Variants in DCDC1 observed in about 807,000 individuals in gnomAD.
DCDC1 encodes doublecortin domain-containing protein 1.
In DCDC1, 200 loss-of-function variants were observed where a neutral mutation model predicts 178.3. The ratio of observed to expected loss-of-function variants is 1.12; its 90% CI spans 1.00 to 1.26. The LOEUF is 1.26. DCDC1 is among the 50% of genes most tolerant of loss of function. DCDC1 has a pLI of 0.00. For synonymous variants in DCDC1, 690 were observed against 604.8 expected, an observed-to-expected ratio of 1.14 and a Z score of -2.07; for missense variants, 1,983 against 1,749.2, an observed-to-expected ratio of 1.13 and a Z score of -2.38.
At chr11:31,066,453 C>T (rs1403505679) in intron 18 of DCDC1, among the ~76,000 whole-genome samples, 1 of 152,140 alleles carries the variant, frequency 6.6e-6, no homozygotes, top group Non-Finnish European at 1.5e-5. Flanking sequence ...CTCCTTACTG[C>T]ACTTTTTAAA....
chr11:31,290,922 C>T, intron 6 of DCDC1, 70 bp from the exon 7 acceptor site: 1 of 1,371,526 alleles, frequency 7.3e-7, no homozygotes, highest in South Asian at 1.3e-5. Flanking sequence ...TCATACTTCC[C>T]TCCCTCTATT....
chr11:31,153,655 C>T (rs532944343), intron 9 of DCDC1, among the ~76,000 whole-genome samples: 3 of 152,016 alleles, frequency 2.0e-5, no homozygotes, highest in Admixed American at 6.6e-5. Flanking sequence ...TGGTGGTGGG[C>T]GCCTGTAATC....
At chr11:30,991,317 C>A (rs1167532763) in intron 20 of DCDC1, among the ~76,000 whole-genome samples, 1 of 152,118 alleles carries the variant, frequency 6.6e-6, no homozygotes, top group Non-Finnish European at 1.5e-5. Context: ...TACACCTTAA[C>A]CATATACCAT....
At chr11:31,334,547 A>T (rs1008014429) in intron 2 of DCDC1, among the ~76,000 whole-genome samples, 1 of 152,158 alleles carries the variant, frequency 6.6e-6, no homozygotes. Flanking sequence ...GATGTTGGTG[A>T]CCTACAGATG....
intron 9 of DCDC1, among the ~76,000 whole-genome samples, chr11:31,232,020 C>A (rs1052243399): frequency 5.3e-5 from 8 of 152,166 alleles, no homozygotes; most frequent in African/African-American, 1.9e-4. Flanking sequence ...GATCTCAGAT[C>A]CTGAGACTGA....
intron 36 of DCDC1, among the ~76,000 whole-genome samples, chr11:30,886,091 A>G (rs977511026): frequency 6.6e-6 from 1 of 152,114 alleles, no homozygotes; most frequent in Non-Finnish European, 1.5e-5. Context: ...AAAATTGTAT[A>G]TACGTGTGAT....
At chr11:30,982,279 C>G (rs1363656115) in intron 20 of DCDC1, among the ~76,000 whole-genome samples, 1 of 152,160 alleles carries the variant, frequency 6.6e-6, no homozygotes, top group Non-Finnish European at 1.5e-5. Context: ...TGAACAAAAA[C>G]CTTCCAATTT....
At chr11:31,296,869 A>G (rs1336028198) in intron 6 of DCDC1, among the ~76,000 whole-genome samples, 1 of 152,036 alleles carries the variant, frequency 6.6e-6, no homozygotes, top group African/African-American at 2.4e-5. Flanking sequence ...GACCACCCCC[A>G]TGATCTAATT....
intron 2 of DCDC1, among the ~76,000 whole-genome samples, chr11:31,330,064 G>C (rs1949882912): frequency 6.6e-6 from 1 of 152,112 alleles, no homozygotes; most frequent in South Asian, 2.1e-4. Context: ...AGCACCTGTT[G>C]TTTCCTGACT....
chr11:31,212,037 C>T (rs1972596786), intron 9 of DCDC1, among the ~76,000 whole-genome samples: 3 of 149,476 alleles, frequency 2.0e-5, no homozygotes, highest in Admixed American at 1.3e-4. Flanking sequence ...GAGCCAAGAT[C>T]GCGCCACTGC....
intron 3 of DCDC1, among the ~76,000 whole-genome samples, chr11:31,313,696 G>C (rs1948899908): frequency 6.6e-6 from 1 of 152,042 alleles, no homozygotes; most frequent in Non-Finnish European, 1.5e-5. Flanking sequence ...TAGTGCTGTG[G>C]TTATTTTTAC....
chr11:31,327,038 T>C (rs1018334865), intron 3 of DCDC1, among the ~76,000 whole-genome samples: 22 of 152,192 alleles, frequency 1.4e-4, no homozygotes, highest in African/African-American at 4.3e-4. Context: ...GTTCATACCA[T>C]ACCTTCTTTA....
At chr11:31,340,417 A>G (rs1290424584) in intron 1 of DCDC1, among the ~76,000 whole-genome samples, 1 of 152,156 alleles carries the variant, frequency 6.6e-6, no homozygotes, top group Non-Finnish European at 1.5e-5. Context: ...TGTAGCTGTG[A>G]TCTGGGGGAA....
At chr11:31,212,713 C>G (rs566140297) in intron 9 of DCDC1, among the ~76,000 whole-genome samples, 4 of 152,188 alleles carry the variant, frequency 2.6e-5, no homozygotes, top group African/African-American at 9.6e-5. Flanking sequence ...TAAATAGGCT[C>G]AAACTTCCTT....
chr11:31,345,684 G>T (rs866241315), intron 1 of DCDC1, among the ~76,000 whole-genome samples: 2 of 151,990 alleles, frequency 1.3e-5, no homozygotes, highest in African/African-American at 4.8e-5. Flanking sequence ...CTCATCATTC[G>T]TCTTTGGAGA....
chr11:31,197,069 G>A (rs1970777637), intron 9 of DCDC1, among the ~76,000 whole-genome samples: 1 of 152,100 alleles, frequency 6.6e-6, no homozygotes, highest in African/African-American at 2.4e-5. Flanking sequence ...GGAGCTCTAT[G>A]TCAGGAACAG....
intron 10 of DCDC1, among the ~76,000 whole-genome samples, chr11:31,132,275 T>C (rs931681968): frequency 6.6e-6 from 1 of 152,216 alleles, no homozygotes; most frequent in Admixed American, 6.5e-5. Context: ...TGATGTTACT[T>C]TACATATTCA....
intron 9 of DCDC1, among the ~76,000 whole-genome samples, chr11:31,138,589 G>A (rs576050215): frequency 3.9e-5 from 6 of 152,286 alleles, no homozygotes; most frequent in South Asian, 2.1e-4. Context: ...CTTTAGCAAC[G>A]GACTTGCCAT....
chr11:31,298,397 G>A (rs1947857151), intron 6 of DCDC1, among the ~76,000 whole-genome samples: 1 of 146,758 alleles, frequency 6.8e-6, no homozygotes, highest in South Asian at 2.2e-4. Context: ...TCTCTGGAAA[G>A]TTAAGATTCT....
Sources: allele counts gnomAD v4.1 joint callset (sites outside exome capture counted in the v4.1 genomes callset), GRCh38; gene constraint gnomAD v4.1.1; transcripts MANE v1.5; gene names NCBI Gene and HGNC (gene_info 2026-07-23, HGNC 2026-07-21).